The following SLC35D1 variants were observed in gnomAD, a reference collection of about 807,000 sequenced individuals.
SLC35D1 encodes solute carrier family 35 member D1, also known as nucleotide sugar transporter SLC35D1.
SLC35D1 carries 31 observed loss-of-function variants against 46.7 expected under a neutral mutation model. The observed-to-expected ratio is 0.66, with a 90% CI of 0.50 to 0.90. The LOEUF (loss-of-function observed/expected upper bound fraction) is 0.90. Ranked by LOEUF, SLC35D1 falls within the 40% of genes least tolerant of loss-of-function variation. SLC35D1 has a pLI of 0.00. For synonymous variants in SLC35D1, 195 were observed against 164.6 expected, an observed-to-expected ratio of 1.18 and a Z score of -1.41; for missense variants, 397 against 426.2, an observed-to-expected ratio of 0.93 and a Z score of 0.60.
At chr1:66,978,690 C>T in the SLC35D1 span, among the ~76,000 whole-genome samples, 2 of 152,086 alleles carry the variant, frequency 1.3e-5, no homozygotes, top group African/African-American at 2.4e-5. Context: ...ACGTGAGCTA[C>T]ATTCAGTCTG....
chr1:67,053,722 T>C (rs1400327988), intron 1 of SLC35D1, 89 bp downstream of exon 1: 10 of 1,246,036 alleles, frequency 8.0e-6, no homozygotes, highest in Non-Finnish European at 9.4e-6. Context: ...GCTTTAACTT[T>C]GGCAGTCAAA....
downstream of SLC35D1, among the ~76,000 whole-genome samples, chr1:66,994,851 A>C (rs990904405): frequency 2.0e-5 from 3 of 151,976 alleles, no homozygotes; most frequent in Admixed American, 6.5e-5. Context: ...TAATTAAATA[A>C]AATGCTTAAT....
the SLC35D1 span, chr1:66,976,588 C>T: frequency 1.3e-6 from 2 of 1,554,770 alleles, no homozygotes; most frequent in Non-Finnish European, 1.7e-6. Flanking sequence ...GCATTTGTTT[C>T]TTACAGGTCC....
the SLC35D1 span, among the ~76,000 whole-genome samples, chr1:66,982,534 G>C: frequency 6.6e-6 from 1 of 152,192 alleles, no homozygotes. Context: ...TCAGTAGTAA[G>C]AGCCAGAGAA....
chr1:67,015,228 C>T (rs12077288), intron 10 of SLC35D1, among the ~76,000 whole-genome samples: 19 of 108,388 alleles, frequency 1.8e-4, no homozygotes, highest in African/African-American at 4.3e-4. Context: ...ATTAAAAAAA[C>T]AAAAATAAAA....
the SLC35D1 span, among the ~76,000 whole-genome samples, chr1:66,993,928 T>C: frequency 6.6e-6 from 1 of 152,252 alleles, no homozygotes; most frequent in African/African-American, 2.4e-5. Flanking sequence ...TTCCTCCTGC[T>C]TTTATACTCG....
the SLC35D1 span, among the ~76,000 whole-genome samples, chr1:66,983,753 A>T: frequency 6.6e-6 from 1 of 152,256 alleles, no homozygotes; most frequent in Admixed American, 6.5e-5. Context: ...TTTGAGACAG[A>T]GTCTCGCTTT....
In SLC35D1 at chr1:67,049,820, A is replaced by G; in HGVS notation, c.495T>C (p.Thr165=). ...KKTFSWGIKM[T]VFAMIIGAFV... ...AGGCTCCAATAATCATTGCAAATAC[A>G]GTCATTTTAATACCCCAAGAAAAAG... Residue 165 remains threonine (T), a synonymous_variant, in exon 6 of 12, where the codon ACT becomes ACC. Transcript: ENST00000235345. The G allele has an allele frequency of 6.2e-7, 1 of 1,613,890 alleles. No individual in the cohort carries two copies. Among genetic ancestry groups the G allele is most frequent in the Non-Finnish European group, 8.5e-7 (1 of 1,179,868 alleles).
rs570388633 is a variant in SLC35D1, at chr1:67,004,319, T to A, written c.*21A>T. 94 of 1,599,210 alleles carry A rather than the reference T, an allele frequency of 5.9e-5. No homozygotes were observed. The highest frequency in any genetic ancestry group is 7.5e-5 in the Non-Finnish European group (88 of 1,166,658). ...TTGATTAAAAACTTAGGCCTACGTATCAGATGAAGCAATCCTCTGGTCACA... is the reference window on the plus strand; with the variant it reads ...TTGATTAAAAACTTAGGCCTACGTAACAGATGAAGCAATCCTCTGGTCACA... On this transcript the variant is annotated 3_prime_UTR_variant, in exon 12 of 12. Transcript: ENST00000235345.
At chr1:67,040,484 G>A (rs549240383) in intron 8 of SLC35D1, among the ~76,000 whole-genome samples, 6 of 152,220 alleles carry the variant, frequency 3.9e-5, no homozygotes, top group African/African-American at 1.2e-4. Flanking sequence ...TGAAATAAGA[G>A]GCTCAAACCA....
At chr1:67,013,612 G>A (rs2102254663) in intron 10 of SLC35D1, among the ~76,000 whole-genome samples, 1 of 151,994 alleles carries the variant, frequency 6.6e-6, no homozygotes, top group South Asian at 2.1e-4. Flanking sequence ...CCTCCTCTTT[G>A]CTGTCTTTGG....
At chr1:67,011,233 C>T (rs536474507) in intron 10 of SLC35D1, among the ~76,000 whole-genome samples, 8 of 152,290 alleles carry the variant, frequency 5.3e-5, no homozygotes, top group Admixed American at 3.3e-4. Flanking sequence ...GATACCTTTT[C>T]TTTTACTAGT....
At chr1:66,991,028 G>GTGAT in the SLC35D1 span, among the ~76,000 whole-genome samples, 4 of 152,134 alleles carry the variant, frequency 2.6e-5, no homozygotes, top group Non-Finnish European at 5.9e-5. Flanking sequence ...ACTCTTTCCA[G>GTGAT]TGATTGTTCT....
chr1:66,998,007 C>T (rs890153530), downstream of SLC35D1, among the ~76,000 whole-genome samples: 1 of 151,556 alleles, frequency 6.6e-6, no homozygotes, highest in Non-Finnish European at 1.5e-5. Context: ...ATTAGGACGG[C>T]TACAATCTGA....
intron 11 of SLC35D1, among the ~76,000 whole-genome samples, chr1:67,008,884 A>G (rs1667505509): frequency 6.6e-6 from 1 of 152,166 alleles, no homozygotes; most frequent in Non-Finnish European, 1.5e-5. Flanking sequence ...TTGGGATTAT[A>G]GGTATAAGCC....
Position 67,029,779 on chromosome 1 carries a change from TA to T in SLC35D1, c.730-8178del, listed in dbSNP as rs1171055741. 3.3e-5 allele frequency among the ~76,000 whole-genome samples: 5 copies of T among 152,190 alleles called. No individual in the cohort carries two copies. The East Asian group carries it at 5.8e-4, about 18-fold the overall frequency. ...ATGTTAAATCTACATAATTTGTTTT[TA>T]AAAAAAGTTTTATTTCACATTTATC... On this transcript the variant is annotated intron_variant, in intron 8 of 11. Coordinates refer to ENST00000235345, the MANE Select transcript of SLC35D1 (RefSeq NM_015139.3).
At chr1:67,047,129 C>G in intron 7 of SLC35D1, 136 bp downstream of exon 7, 1 of 680,762 alleles carries the variant, frequency 1.5e-6, no homozygotes, top group Non-Finnish European at 2.6e-6. Flanking sequence ...CACTAAAGTA[C>G]AGGAATTTTA....
intron 10 of SLC35D1, among the ~76,000 whole-genome samples, chr1:67,009,922 A>G (rs1429972384): frequency 6.6e-6 from 1 of 152,226 alleles, no homozygotes; most frequent in Admixed American, 6.5e-5. Flanking sequence ...TAGCAAAGAC[A>G]TGCAATCAAC....
the SLC35D1 span, chr1:66,984,851 A>G: frequency 6.2e-7 from 1 of 1,608,668 alleles, no homozygotes; most frequent in Non-Finnish European, 8.5e-7. Context: ...TTTTTCCAAG[A>G]AGCAGTCTCA....
Sources: gnomAD v4.1 joint callset for allele counts (sites outside exome capture counted in the v4.1 genomes callset) on GRCh38, gnomAD v4.1.1 for gene constraint, MANE v1.5 for transcripts, NCBI Gene and HGNC (gene_info 2026-07-23, HGNC 2026-07-21) for gene names.